Variants in PCDHGB6 observed in about 807,000 individuals in gnomAD.
PCDHGB6 encodes the protein protocadherin gamma subfamily B, 6.
A neutral mutation model predicts 59.1 loss-of-function variants in PCDHGB6; 51 were observed. The ratio of observed to expected loss-of-function variants is 0.86; its 90% CI spans 0.69 to 1.09. The LOEUF (loss-of-function observed/expected upper bound fraction) is 1.09, where lower values mean the gene tolerates loss of function less well. Among genes scored for constraint, PCDHGB6 ranks in the 50% least tolerant of loss-of-function variants. PCDHGB6 has a pLI of 0.00. For synonymous variants in PCDHGB6, 466 were observed against 495.1 expected (o/e 0.94, Z 0.78); for missense variants, 1,148 against 1,205.1 (o/e 0.95, Z 0.70).
At position 141,408,303 on chromosome 5, in the gene PCDHGB6, G is replaced by A; in HGVS notation, c.101G>A (p.Arg34His). Residue 34 changes from arginine (R) to histidine (H), a missense_variant, in exon 1 of 4, where the codon CGC becomes CAC. By Grantham distance (29) the Arg-to-His change is conservative (BLOSUM62 0). Transcript: ENST00000520790. ...LFYPTLSEPI[R>H]YSIPEELAKG... Reference sequence around the variant, plus strand: ...TACCCCACCCTGAGTGAGCCGATCCGCTACTCGATTCCGGAGGAGCTGGCC... The same window carrying A: ...TACCCCACCCTGAGTGAGCCGATCCACTACTCGATTCCGGAGGAGCTGGCC... The A allele has an allele frequency of 1.9e-6, 3 of 1,613,794 alleles. No individual in the cohort carries two copies. Among genetic ancestry groups the A allele is most frequent in the Non-Finnish European group, 2.5e-6 (3 of 1,179,712 alleles).
In PCDHGB6 at chr5:141,432,413, G is replaced by A; in HGVS notation, c.2418+21793G>A. 1.2e-6 allele frequency: 2 copies of A among 1,614,232 alleles called. No homozygotes were observed. The highest frequency in any genetic ancestry group is 2.2e-5 in the South Asian group (2 of 91,082). Reference sequence around the variant, plus strand: ...CAGCAACGTGTCGTTGAGCCTGTTCGTGCTGGACCAGAACGACAATGCGCC... The same window carrying A: ...CAGCAACGTGTCGTTGAGCCTGTTCATGCTGGACCAGAACGACAATGCGCC... On this transcript the variant is annotated intron_variant, in intron 1 of 3. Coordinates refer to ENST00000520790, the MANE Select transcript of PCDHGB6 (RefSeq NM_018926.3). The surrounding 1 kb of genome is among the most constrained non-coding windows in gnomAD (Gnocchi z 6.0).
chr5:141,459,232 G>C (rs1293027771), intron 1 of PCDHGB6, among the ~76,000 whole-genome samples: 1 of 152,152 alleles, frequency 6.6e-6, no homozygotes, highest in Non-Finnish European at 1.5e-5. Context: ...GCAACAACTG[G>C]TCTGCTTCCT....
chr5:141,503,547 C>T (rs545918096), intron 2 of PCDHGB6, among the ~76,000 whole-genome samples: 22 of 147,734 alleles, frequency 1.5e-4, no homozygotes, highest in African/African-American at 4.8e-4. Flanking sequence ...TGCAGTGAGC[C>T]GAGATCGCGC....
chr5:141,486,105 A>C lies in PCDHGB6; in HGVS notation c.2419-8702A>C. The stretch of plus-strand genomic sequence containing the variant: ...ACTCTTTTGGGGCCCCTAGACTTTG[A>C]GAGTGAGAATTACTATGAATTTGAT... On this transcript the variant is annotated intron_variant, in intron 1 of 3. Transcript: ENST00000520790. This position sits in a 1 kb window ranked among gnomAD's most constrained non-coding sequence, Gnocchi z 5.0. The C allele has an allele frequency of 1.2e-6, 2 of 1,614,138 alleles. No individual in the cohort carries two copies. The highest frequency in any genetic ancestry group is 1.7e-6 in the Non-Finnish European group (2 of 1,180,016).
At position 141,499,673 on chromosome 5, in the gene PCDHGB6, C is replaced by A. The variant is rs1193484216; in HGVS notation, c.2477+4808C>A. Among the ~76,000 whole-genome samples the A allele has an allele frequency of 2.7e-5, 4 of 150,550 alleles. No individual in the cohort carries two copies. In the East Asian group the frequency reaches 7.8e-4, roughly 29 times the overall value. On this transcript the variant is annotated intron_variant, in intron 2 of 3. Transcript: ENST00000520790. ...CATATAATTTCATCTTGGTCTCCACCATCTTTAACAGATGACTTTTTTTTT... is the reference window on the plus strand; with the variant it reads ...CATATAATTTCATCTTGGTCTCCACAATCTTTAACAGATGACTTTTTTTTT...
chr5:141,511,265 A>C lies in PCDHGB6; in HGVS notation c.*92A>C. The C allele has an allele frequency of 6.4e-7, 1 of 1,551,730 alleles. No individual in the cohort carries two copies. Among genetic ancestry groups the C allele is most frequent in the Non-Finnish European group, 8.7e-7 (1 of 1,148,178 alleles). ...ACCCAGGCCTCAGAGTTTCAGGGCT[A>C]ACCCCCAGAATACTGGTAGGGGCCA... On this transcript the variant is annotated 3_prime_UTR_variant, in exon 4 of 4. Coordinates refer to ENST00000520790, the MANE Select transcript of PCDHGB6 (RefSeq NM_018926.3).
chr5:141,460,792 A>T (rs1028557260), intron 1 of PCDHGB6, among the ~76,000 whole-genome samples: 30 of 152,012 alleles, frequency 2.0e-4, no homozygotes, highest in Non-Finnish European at 2.9e-5. Context: ...ATATACACAC[A>T]AAGTATATAT....
intron 1 of PCDHGB6, among the ~76,000 whole-genome samples, chr5:141,472,352 T>G (rs1364883510): frequency 6.6e-6 from 1 of 151,718 alleles, no homozygotes; most frequent in Non-Finnish European, 1.5e-5. Context: ...CCATCCTGGC[T>G]AACACGGTGA....
intron 1 of PCDHGB6, among the ~76,000 whole-genome samples, chr5:141,451,908 G>A (rs899191624): frequency 3.9e-5 from 6 of 152,046 alleles, no homozygotes; most frequent in African/African-American, 7.2e-5. Context: ...AAGGGAGGGA[G>A]GGAGGAAGGA....
intron 1 of PCDHGB6, among the ~76,000 whole-genome samples, chr5:141,454,658 G>A (rs961640658): frequency 7.2e-5 from 11 of 151,812 alleles, no homozygotes; most frequent in Admixed American, 6.6e-5. Context: ...TGCCCACCTC[G>A]GCCTCCCAAA....
At chr5:141,482,862 A>G (rs1169526338) in intron 1 of PCDHGB6, among the ~76,000 whole-genome samples, 1 of 152,180 alleles carries the variant, frequency 6.6e-6, no homozygotes, top group Non-Finnish European at 1.5e-5. Context: ...ACTTGAGGTC[A>G]GGAGTTTGAA....
chr5:141,433,076 C>T, intron 1 of PCDHGB6: 1 of 1,614,188 alleles, frequency 6.2e-7, no homozygotes, highest in Non-Finnish European at 8.5e-7. Context: ...CTTCCCCCAG[C>T]CCAACTATGC....
chr5:141,468,598 G>A (rs1250884127), intron 1 of PCDHGB6: 1 of 152,228 alleles, frequency 6.6e-6, no homozygotes, highest in African/African-American at 2.4e-5. Context: ...TGGGCGCGGT[G>A]GCTCACGCCT....
At position 141,487,425 on chromosome 5, in the gene PCDHGB6, G is replaced by A. The variant is rs116499036; in HGVS notation, c.2419-7382G>A. ...CTTCCCCCTTCCAATGGGATCCTCCGAATCCAGCTAGGGTCAGATGACCCT... is the reference window on the plus strand; with the variant it reads ...CTTCCCCCTTCCAATGGGATCCTCCAAATCCAGCTAGGGTCAGATGACCCT... On this transcript the variant is annotated intron_variant, in intron 1 of 3. Coordinates refer to ENST00000520790, the MANE Select transcript of PCDHGB6 (RefSeq NM_018926.3). This position sits in a 1 kb window ranked among gnomAD's most constrained non-coding sequence, Gnocchi z 5.0. The A allele has an allele frequency of 1.1e-5, 17 of 1,613,988 alleles. No individual in the cohort carries two copies. The highest frequency in any genetic ancestry group is 1.6e-4 in the Middle Eastern group (1 of 6,084).
At position 141,410,086 on chromosome 5, in the gene PCDHGB6, G is replaced by A. The variant is rs759204005; in HGVS notation, c.1884G>A (p.Thr628=). 1.9e-6 allele frequency: 3 copies of A among 1,612,588 alleles called. No homozygotes were observed. The highest frequency in any genetic ancestry group is 2.5e-6 in the Non-Finnish European group (3 of 1,179,636). ...GGCTGCGCACTGGGGAGGTGCGCAC[G>A]GCTCGAGCCTTAGGCGACAGGGACG... ...SLGLRTGEVR[T]ARALGDRDAA... is the part of the protein sequence containing the mutation. Residue 628 remains threonine, a synonymous_variant, in exon 1 of 4, where the codon ACG becomes ACA. Coordinates refer to ENST00000520790, the MANE Select transcript of PCDHGB6 (RefSeq NM_018926.3).
At chr5:141,483,797 G>GCTGCTTTT (rs1255394691) in intron 1 of PCDHGB6, among the ~76,000 whole-genome samples, 3 of 152,174 alleles carry the variant, frequency 2.0e-5, no homozygotes, top group Non-Finnish European at 4.4e-5. Context: ...TCCAGTTGTT[G>GCTGCTTTT]CTGCTTTTTT....
chr5:141,467,321 G>A (rs2099141786), intron 1 of PCDHGB6, among the ~76,000 whole-genome samples: 2 of 152,024 alleles, frequency 1.3e-5, no homozygotes, highest in East Asian at 1.9e-4. Context: ...CCACAGTGCT[G>A]GGATTAGAGA....
chr5:141,410,849 C>G, intron 1 of PCDHGB6: 1 of 136,716 alleles, frequency 7.3e-6, no homozygotes, highest in Non-Finnish European at 1.2e-5. Flanking sequence ...TTGTCTTTGT[C>G]TTTTTTTTTT....
At chr5:141,445,895 A>C (rs930350527) in intron 1 of PCDHGB6, among the ~76,000 whole-genome samples, 1 of 152,212 alleles carries the variant, frequency 6.6e-6, no homozygotes, top group Admixed American at 6.5e-5. Context: ...GGAGCTATTA[A>C]AATATTTTAA....
Sources: allele counts gnomAD v4.1 joint callset (sites outside exome capture counted in the v4.1 genomes callset), GRCh38; gene constraint gnomAD v4.1.1; non-coding constraint Gnocchi (gnomAD v3.1); transcripts MANE v1.5; gene names NCBI Gene and HGNC (gene_info 2026-07-23, HGNC 2026-07-21).